NEGR1: variants seen among roughly 807,000 people sequenced by gnomAD.
NEGR1 encodes neuronal growth regulator 1, also known as IgLON family member 4.
In NEGR1, 10 loss-of-function variants were observed where a neutral mutation model predicts 40.9. That is an observed-to-expected ratio of 0.24 (90% CI 0.15 to 0.42). The LOEUF is 0.42. Among genes scored for constraint, NEGR1 ranks in the 10% least tolerant of loss-of-function variants. The pLI, the probability that NEGR1 is intolerant of heterozygous loss-of-function variation, is 1.00. For synonymous variants in NEGR1, 185 were observed against 166.8 expected (o/e 1.11, Z -0.84); for missense variants, 352 against 438.9 (o/e 0.80, Z 1.77).
Position 71,407,366 on chromosome 1 carries a change from T to C in NEGR1, c.*80A>G. On this transcript the variant is annotated 3_prime_UTR_variant, in exon 7 of 7. Transcript: ENST00000357731. ...CACTGCTGATTATATCCCACGCTGCTTTTAACAAACTGTACCAGATTGGAT... is the reference window on the plus strand; with the variant it reads ...CACTGCTGATTATATCCCACGCTGCCTTTAACAAACTGTACCAGATTGGAT... 7.1e-7 allele frequency: 1 copy of C among 1,403,920 alleles called. No individual in the cohort carries two copies. The highest frequency in any genetic ancestry group is 9.9e-7 in the Non-Finnish European group (1 of 1,010,328). The allele number at this position is 1,403,920 out of a possible 1,614,324, so 87.0% of individuals were successfully genotyped here.
At chr1:72,266,920 A>G (rs1655666139) in intron 1 of NEGR1, among the ~76,000 whole-genome samples, 1 of 151,092 alleles carries the variant, frequency 6.6e-6, no homozygotes, top group African/African-American at 2.4e-5. Context: ...TCTGAAATAA[A>G]GAATAATTAA....
At chr1:71,548,322 T>C (rs778441045) in intron 6 of NEGR1, among the ~76,000 whole-genome samples, 1 of 151,734 alleles carries the variant, frequency 6.6e-6, no homozygotes, top group Non-Finnish European at 1.5e-5. Flanking sequence ...ACATTTCTGC[T>C]GCTTTGGGGA....
intron 1 of NEGR1, among the ~76,000 whole-genome samples, chr1:71,950,318 C>A (rs1159850920): frequency 6.6e-6 from 1 of 151,624 alleles, no homozygotes; most frequent in Non-Finnish European, 1.5e-5. Context: ...TTGTAGCAAG[C>A]ATAACACATA....
At chr1:71,691,080 G>A (rs996040687) in intron 4 of NEGR1, among the ~76,000 whole-genome samples, 4 of 151,948 alleles carry the variant, frequency 2.6e-5, no homozygotes, top group African/African-American at 9.6e-5. Context: ...TAAGTGCATG[G>A]GAGAATACAC....
chr1:71,994,427 C>T (rs1388274930), intron 1 of NEGR1, among the ~76,000 whole-genome samples: 1 of 151,882 alleles, frequency 6.6e-6, no homozygotes, highest in East Asian at 1.9e-4. Context: ...ACTCGGGAGG[C>T]TGAGGCAGGA....
chr1:71,691,259 G>A (rs1360689547), intron 4 of NEGR1, among the ~76,000 whole-genome samples: 2 of 151,840 alleles, frequency 1.3e-5, no homozygotes, highest in East Asian at 1.9e-4. Flanking sequence ...TACTTCAACT[G>A]AGGGATTATA....
At chr1:71,834,826 T>C (rs940128663) in intron 2 of NEGR1, among the ~76,000 whole-genome samples, 3 of 151,282 alleles carry the variant, frequency 2.0e-5, no homozygotes, top group African/African-American at 4.9e-5. Flanking sequence ...TAACAGAGTT[T>C]TGTTATTTTT....
intron 6 of NEGR1, among the ~76,000 whole-genome samples, chr1:71,539,600 G>T (rs1326470082): frequency 6.6e-6 from 1 of 151,668 alleles, no homozygotes; most frequent in African/African-American, 2.4e-5. Context: ...AAGGATTACA[G>T]TGTTCCTATA....
intron 6 of NEGR1, among the ~76,000 whole-genome samples, chr1:71,513,414 T>G (rs61454751): frequency 0.04 from 6,094 of 152,126 alleles, 395 homozygotes; most frequent in African/African-American, 0.14. Flanking sequence ...TCTATGTTTT[T>G]GAGTTGATAA....
chr1:72,230,649 C>G (rs1319920206), intron 1 of NEGR1, among the ~76,000 whole-genome samples: 1 of 152,040 alleles, frequency 6.6e-6, no homozygotes, highest in Non-Finnish European at 1.5e-5. Flanking sequence ...AAAGTACACT[C>G]TGAATTGGTC....
chr1:72,174,060 T>G (rs1652069723), intron 1 of NEGR1, among the ~76,000 whole-genome samples: 1 of 152,204 alleles, frequency 6.6e-6, no homozygotes. Context: ...AACAATCTTC[T>G]AACATGGACA....
At chr1:71,680,377 C>A (rs1005714316) in intron 4 of NEGR1, among the ~76,000 whole-genome samples, 6 of 152,118 alleles carry the variant, frequency 3.9e-5, no homozygotes, top group African/African-American at 1.4e-4. Flanking sequence ...CATTCCATTT[C>A]AATTTCCCAA....
intron 3 of NEGR1, among the ~76,000 whole-genome samples, chr1:71,746,731 TAC>T (rs934164976): frequency 4.5e-4 from 65 of 145,722 alleles, no homozygotes; most frequent in African/African-American, 1.6e-3. Flanking sequence ...TACACACACA[TAC>T]ACACACATGT....
chr1:71,624,441 C>G (rs1337774426), intron 4 of NEGR1, among the ~76,000 whole-genome samples: 1 of 151,998 alleles, frequency 6.6e-6, no homozygotes, highest in African/African-American at 2.4e-5. Flanking sequence ...CCTTGCTACA[C>G]ACAACTATGC....
At chr1:72,097,491 G>C (rs756710263) in intron 1 of NEGR1, among the ~76,000 whole-genome samples, 1 of 152,042 alleles carries the variant, frequency 6.6e-6, no homozygotes, top group Non-Finnish European at 1.5e-5. Context: ...ATATTACCCA[G>C]GGTCAACTTT....
At chr1:71,973,141 C>T (rs1412930985) in intron 1 of NEGR1, among the ~76,000 whole-genome samples, 2 of 151,614 alleles carry the variant, frequency 1.3e-5, no homozygotes, top group Non-Finnish European at 2.9e-5. Flanking sequence ...ACGGTGAAAC[C>T]CCGTCTCTAC....
chr1:71,494,459 T>A (rs1646949015), intron 6 of NEGR1, among the ~76,000 whole-genome samples: 1 of 152,158 alleles, frequency 6.6e-6, no homozygotes, highest in Admixed American at 6.6e-5. Context: ...AGAAGCTGTG[T>A]ATTTGGTCCT....
At chr1:71,513,618 T>A (rs572549862) in intron 6 of NEGR1, among the ~76,000 whole-genome samples, 2 of 152,294 alleles carry the variant, frequency 1.3e-5, no homozygotes, top group African/African-American at 4.8e-5. Flanking sequence ...AAAGTCCTAT[T>A]AGGTATATGT....
At chr1:71,871,578 T>C (rs1355217279) in intron 2 of NEGR1, among the ~76,000 whole-genome samples, 2 of 152,196 alleles carry the variant, frequency 1.3e-5, no homozygotes, top group African/African-American at 2.4e-5. Flanking sequence ...ATACACCTTG[T>C]ACATTTGTTG....
Sources: allele counts gnomAD v4.1 joint callset (sites outside exome capture counted in the v4.1 genomes callset), GRCh38; gene constraint gnomAD v4.1.1; transcripts MANE v1.5; gene names NCBI Gene and HGNC (gene_info 2026-07-23, HGNC 2026-07-21).